Variants in OR10D3 observed in about 807,000 individuals in gnomAD.
The protein encoded by OR10D3 is olfactory receptor family 10 subfamily D member 3.
For missense variants in OR10D3, 286 were observed against 153.7 expected (o/e 1.86, Z -4.55); for synonymous variants, 100 against 57.6 (o/e 1.74, Z -3.33).
exon 2 of OR10D3, chr11:124,185,291 A>C (rs1468154432): frequency 1.4e-6 from 1 of 703,234 alleles, no homozygotes; most frequent in Admixed American, 2.0e-5. Flanking sequence ...GAACTGCTGC[A>C]TGGTGACAGA....
chr11:124,183,554 CCCTCCT>C (rs2137697253), intron 1 of OR10D3, among the ~76,000 whole-genome samples, 171 bp downstream of exon 1: 1 of 107,366 alleles, frequency 9.3e-6, no homozygotes, highest in East Asian at 3.2e-4. Context: ...TTCCCTCCTT[CCCTCCT>C]TCCCTCCCTC....
chr11:124,184,809 G>A (rs1428627234), intron 1 of OR10D3, among the ~76,000 whole-genome samples: 4 of 152,104 alleles, frequency 2.6e-5, no homozygotes, highest in South Asian at 2.1e-4. Context: ...CTTAAAAAAC[G>A]TAGACATAAA....
intron 1 of OR10D3, chr11:124,184,372 ATATT>A (rs1161379554): frequency 6.6e-6 from 1 of 152,208 alleles, no homozygotes; most frequent in Admixed American, 6.5e-5. Context: ...AACACAAAAA[ATATT>A]TACTCTCCTA....
chr11:124,185,435 CA>C lies in OR10D3; in HGVS notation c.167del (p.His56ProfsTer21). The C allele has an allele frequency of 1.4e-6, 1 of 703,124 alleles. No individual in the cohort carries two copies. Among genetic ancestry groups the C allele is most frequent in the African/African-American group, 1.7e-5 (1 of 57,372 alleles). The allele number at this position is 703,124 out of a possible 1,614,324, so 43.6% of individuals were successfully genotyped here. On this transcript the variant is annotated frameshift_variant, in exon 2 of 2. Coordinates refer to ENST00000641351, the Ensembl canonical transcript of OR10D3. LOFTEE classifies it low-confidence loss of function (END_TRUNC). The stretch of plus-strand genomic sequence containing the variant: ...TGCTGTTATGTCTTCTGCTCGCCTT[CA>C]CACACCTATGTATTTCTTCCTGGGA...
intron 1 of OR10D3, among the ~76,000 whole-genome samples, chr11:124,184,581 G>A (rs1237975886): frequency 2.6e-5 from 4 of 152,052 alleles, no homozygotes; most frequent in Non-Finnish European, 5.9e-5. Context: ...AGACCCGGGG[G>A]AAAGACTGAT....
chr11:124,185,886 T>C (rs913602137), exon 2 of OR10D3: 1 of 703,360 alleles, frequency 1.4e-6, no homozygotes, highest in Admixed American at 2.0e-5. Context: ...GTTGGCCTCA[T>C]ATCTCTTGTC....
At chr11:124,185,080 C>T in intron 1 of OR10D3, 179 bp from the exon 2 acceptor site, 2 of 566,546 alleles carry the variant, frequency 3.5e-6, no homozygotes, top group Non-Finnish European at 6.2e-6. Flanking sequence ...ATGTAGTTGG[C>T]TATGGCGGTT....
intron 1 of OR10D3, among the ~76,000 whole-genome samples, 155 bp downstream of exon 1, chr11:124,183,538 GCCTCCTTCCCTCCTTC>G (rs1239265590): frequency 3.2e-5 from 2 of 63,120 alleles, no homozygotes; most frequent in Admixed American, 2.8e-4. Context: ...CTCCCTCCCT[GCCTCCTTCCCTCCTTC>G]CCTCCTTCCC....
At chr11:124,185,732 C>T in exon 2 of OR10D3, 1 of 703,626 alleles carries the variant, frequency 1.4e-6, no homozygotes, top group Non-Finnish European at 2.6e-6. Flanking sequence ...AGGGTGCATT[C>T]ATTCCAGTAT....
chr11:124,188,664 GA>G (rs1366078382), exon 2 of OR10D3: 1 of 152,134 alleles, frequency 6.6e-6, no homozygotes, highest in Non-Finnish European at 1.5e-5. Context: ...TTGGCCAAGG[GA>G]AAATCTAACA....
chr11:124,183,413 T>C (rs1258297534), intron 1 of OR10D3, 30 bp downstream of exon 1: 1 of 80,190 alleles, frequency 1.2e-5, no homozygotes, highest in Non-Finnish European at 2.8e-5. Context: ...TCTTTGCCTC[T>C]TTCTCTCTCT....
At chr11:124,187,377 T>C (rs1429256766) in exon 2 of OR10D3, 1 of 152,220 alleles carries the variant, frequency 6.6e-6, no homozygotes, top group African/African-American at 2.4e-5. Flanking sequence ...TGCATCAAAG[T>C]TATCTACTTT....
chr11:124,187,904 T>C (rs994199027), exon 2 of OR10D3: 1 of 152,206 alleles, frequency 6.6e-6, no homozygotes, highest in Non-Finnish European at 1.5e-5. Flanking sequence ...CATTTTACTG[T>C]GAGAGGCCCA....
Position 124,186,131 on chromosome 11 carries a change from T to C in OR10D3, c.862T>C (p.Tyr288His), listed in dbSNP as rs1273816329. 5 of 702,930 alleles carry C rather than the reference T, an allele frequency of 7.1e-6. No individual in the cohort carries two copies. In the African/African-American group the frequency reaches 8.7e-5, roughly 12 times the overall value. 43.5% of individuals were successfully genotyped at this position (702,930 alleles called of 1,614,324 possible). A position where few individuals can be genotyped will look rare whatever the true frequency, so the allele number is the denominator to read the frequency against. Reference sequence around the variant, plus strand: ...AGGACCAATGCTGAACCCTTTGATCTATACCTTGAGGAATAAGGAAGTAAA... The same window carrying C: ...AGGACCAATGCTGAACCCTTTGATCCATACCTTGAGGAATAAGGAAGTAAA... The change falls in exon 2 of 2, where the codon TAT becomes CAT. Residue 288 changes from tyrosine to histidine, a missense_variant. Tyr to His is a moderately conservative substitution (Grantham distance 83, BLOSUM62 2). Coordinates refer to ENST00000641351, the Ensembl canonical transcript of OR10D3.
intron 1 of OR10D3, among the ~76,000 whole-genome samples, chr11:124,183,621 G>A (rs543866640): frequency 1.6e-5 from 2 of 128,712 alleles, no homozygotes; most frequent in South Asian, 2.8e-4. Flanking sequence ...GCAGTGGCAC[G>A]ATCTCAGCTC....
exon 2 of OR10D3, chr11:124,185,408 G>C (rs1391363895): frequency 2.8e-6 from 2 of 703,072 alleles, no homozygotes; most frequent in Non-Finnish European, 5.2e-6. Context: ...GTCTATCCTT[G>C]TTGCTGTTAT....
rs574183941 is a variant in OR10D3 at position 124,185,313 on chromosome 11, T to C, written c.44T>C (p.Leu15Ser). The stretch of plus-strand genomic sequence containing the variant: ...TGCATGGTGACAGAGTTCATCCTTT[T>C]GGGAATCCCACACACAGAGGGGCTG... The change falls in exon 2 of 2, where the codon TTG becomes TCG. Residue 15 changes from leucine (L) to serine (S), a missense_variant. Physicochemically the swap from Leu to Ser is moderately radical, Grantham distance 145. Transcript: ENST00000641351. The C allele has an allele frequency of 1.6e-3, 1,100 of 703,462 alleles. 7 individuals are homozygous for C. Among genetic ancestry groups the C allele is most frequent in the Non-Finnish European group, 1.3e-3 (493 of 385,104 alleles). The allele number at this position is 703,462 out of a possible 1,614,324, so 43.6% of individuals were successfully genotyped here. A position where few individuals can be genotyped will look rare whatever the true frequency, so the allele number is the denominator to read the frequency against.
chr11:124,188,543 A>C (rs1861249719), exon 2 of OR10D3: 1 of 152,204 alleles, frequency 6.6e-6, no homozygotes. Flanking sequence ...CTGGGCAATG[A>C]TCCTTGATCC....
chr11:124,184,089 A>G (rs1385581119), intron 1 of OR10D3, among the ~76,000 whole-genome samples: 2 of 152,136 alleles, frequency 1.3e-5, no homozygotes, highest in African/African-American at 2.4e-5. Context: ...TGCTTTTTGG[A>G]ATGTAGTGTA....
Sources: gnomAD v4.1 joint callset for allele counts (sites outside exome capture counted in the v4.1 genomes callset) on GRCh38, gnomAD v4.1.1 for gene constraint, MANE v1.5 for transcripts, NCBI Gene and HGNC (gene_info 2026-07-23, HGNC 2026-07-21) for gene names.